ADAM29: variants seen among roughly 807,000 people sequenced by gnomAD.
The protein encoded by ADAM29 is disintegrin and metalloproteinase domain-containing protein 29.
For missense variants in ADAM29, 969 were observed against 1,001.8 expected (o/e 0.97, Z 0.44); for synonymous variants, 367 against 342.3 (o/e 1.07, Z -0.80).
intron 4 of ADAM29, among the ~76,000 whole-genome samples, chr4:174,963,322 A>AT (rs1173793077): frequency 6.6e-6 from 1 of 152,146 alleles, no homozygotes; most frequent in Non-Finnish European, 1.5e-5. Flanking sequence ...ACACGGTGTA[A>AT]TTTTTATGAT....
rs573923692 is a variant in ADAM29, at chr4:174,937,496, C to T, written c.-181+483C>T. On this transcript the variant is annotated intron_variant, in intron 4 of 4. Coordinates refer to ENST00000359240, the MANE Select transcript of ADAM29 (RefSeq NM_014269.4). ...TTGTGAAAAATAACCTTTTATAAAC[C>T]TAAACATCTGTAGTCAGACCAGGCC... Among the ~76,000 whole-genome samples, 9 of 151,934 alleles carry T rather than the reference C, an allele frequency of 5.9e-5. No individual in the cohort carries two copies. The East Asian group carries it at 1.7e-3, about 29-fold the overall frequency.
At position 174,977,585 on chromosome 4, in the gene ADAM29, T is replaced by C. The variant is rs1746927518; in HGVS notation, c.2060T>C (p.Leu687Ser). Reference protein sequence around the residue: ...CYLCILLLIVLFILLCCLYRL... With the variant: ...CYLCILLLIVSFILLCCLYRL... ...CTGTGTATATTGTTGCTTATTGTTTTGTTTATTTTATTATGTTGTCTTTAT... is the reference window on the plus strand; with the variant it reads ...CTGTGTATATTGTTGCTTATTGTTTCGTTTATTTTATTATGTTGTCTTTAT... The change falls in exon 5 of 5, where the codon TTG (leucine) becomes TCG (serine). Residue 687 changes from leucine to serine, a missense_variant. Physicochemically the swap from Leu to Ser is moderately radical, Grantham distance 145. Coordinates refer to ENST00000359240, the MANE Select transcript of ADAM29 (RefSeq NM_014269.4). 1.2e-6 allele frequency: 2 copies of C among 1,613,638 alleles called. No homozygotes were observed. The highest frequency in any genetic ancestry group is 1.7e-6 in the Non-Finnish European group (2 of 1,179,834).
Position 174,977,680 on chromosome 4 carries a change from G to GA in ADAM29, c.2161dup (p.Ile721AsnfsTer7), listed in dbSNP as rs1746938994. 2 of 1,614,110 alleles carry GA rather than the reference G, an allele frequency of 1.2e-6. No homozygotes were observed. Among genetic ancestry groups the GA allele is most frequent in the South Asian group, 1.1e-5 (1 of 91,084 alleles). ...TCAAACTCCATCTGCAAAAGAAGAG[G>GA]AAAAAATTCAGCGTCGACCTCATGA... On this transcript the variant is annotated frameshift_variant, in exon 5 of 5. Coordinates refer to ENST00000359240, the MANE Select transcript of ADAM29 (RefSeq NM_014269.4). LOFTEE classifies it low-confidence loss of function (END_TRUNC).
At chr4:174,927,303 A>C (rs900186727) in intron 2 of ADAM29, among the ~76,000 whole-genome samples, 1 of 152,158 alleles carries the variant, frequency 6.6e-6, no homozygotes, top group Admixed American at 6.5e-5. Context: ...AGTAGCTTAC[A>C]CCTGTTGGTG....
At chr4:174,967,096 C>T (rs1375556122) in intron 4 of ADAM29, among the ~76,000 whole-genome samples, 1 of 152,166 alleles carries the variant, frequency 6.6e-6, no homozygotes. Context: ...AGCTTCACCT[C>T]TTTCTAAGAT....
intron 4 of ADAM29, among the ~76,000 whole-genome samples, chr4:174,973,527 C>T (rs1746584912): frequency 6.6e-6 from 1 of 152,262 alleles, no homozygotes. Context: ...TGCAGAACTT[C>T]CCACTCTGCC....
chr4:174,956,023 T>C (rs960979676), intron 4 of ADAM29, among the ~76,000 whole-genome samples: 4 of 152,076 alleles, frequency 2.6e-5, no homozygotes, highest in Non-Finnish European at 5.9e-5. Flanking sequence ...ACAGACTATA[T>C]GTTTTAGACG....
At chr4:174,955,994 C>A (rs2111038073) in intron 4 of ADAM29, among the ~76,000 whole-genome samples, 1 of 152,110 alleles carries the variant, frequency 6.6e-6, no homozygotes, top group African/African-American at 2.4e-5. Flanking sequence ...ACATTATGTT[C>A]TTTCCTATTG....
At chr4:174,940,494 C>T (rs1243633316) in intron 4 of ADAM29, among the ~76,000 whole-genome samples, 1 of 151,974 alleles carries the variant, frequency 6.6e-6, no homozygotes, top group African/African-American at 2.4e-5. Context: ...CAGCCTTTAT[C>T]TGCTTTTTTA....
At chr4:174,961,250 A>G (rs1265858424) in intron 4 of ADAM29, among the ~76,000 whole-genome samples, 1 of 151,766 alleles carries the variant, frequency 6.6e-6, no homozygotes, top group Non-Finnish European at 1.5e-5. Context: ...ATACAGTAAT[A>G]CATTTTACTC....
At chr4:174,959,525 T>A (rs568195626) in intron 4 of ADAM29, among the ~76,000 whole-genome samples, 2 of 151,374 alleles carry the variant, frequency 1.3e-5, no homozygotes, top group African/African-American at 4.8e-5. Flanking sequence ...TTTACCCTGC[T>A]TGGTGTTTTC....
At chr4:174,918,707 A>G (rs1322334474) in intron 1 of ADAM29, among the ~76,000 whole-genome samples, 2 of 152,132 alleles carry the variant, frequency 1.3e-5, no homozygotes, top group Non-Finnish European at 2.9e-5. Context: ...GAAATGAATC[A>G]TGAAACTTTG....
At position 174,978,021 on chromosome 4, in the gene ADAM29, A is replaced by T. The variant is rs1256466162; in HGVS notation, c.*33A>T. On this transcript the variant is annotated 3_prime_UTR_variant, in exon 5 of 5. Coordinates refer to ENST00000359240, the MANE Select transcript of ADAM29 (RefSeq NM_014269.4). ...CTCAGTTGATGCCTTCCCAGAGTCA[A>T]CCTCCTGTGACGCCCTCCCAGAGCC... 6.3e-7 allele frequency: 1 copy of T among 1,599,452 alleles called. No homozygotes were observed. The highest frequency in any genetic ancestry group is 8.5e-7 in the Non-Finnish European group (1 of 1,170,714).
intron 4 of ADAM29, among the ~76,000 whole-genome samples, chr4:174,945,746 G>A (rs1744809441): frequency 6.6e-6 from 1 of 152,056 alleles, no homozygotes; most frequent in East Asian, 1.9e-4. Context: ...TATTGAATAG[G>A]GAGTCATTTA....
rs537681470 is a variant in ADAM29, at chr4:174,934,720, A to G, written c.-261-2213A>G. ...TGGGGTTTCCCATCTTCCGCAGGAG[A>G]TGCTGATGCACGGATGGAATTGAAA... On this transcript the variant is annotated intron_variant, in intron 3 of 4. Coordinates refer to ENST00000359240, the MANE Select transcript of ADAM29 (RefSeq NM_014269.4). Among the ~76,000 whole-genome samples the G allele has an allele frequency of 9.2e-5, 14 of 152,240 alleles. No homozygotes were observed. The East Asian group carries it at 1.4e-3, about 15-fold the overall frequency.
At chr4:174,963,211 C>CT (rs1745951687) in intron 4 of ADAM29, among the ~76,000 whole-genome samples, 1 of 152,070 alleles carries the variant, frequency 6.6e-6, no homozygotes, top group Non-Finnish European at 1.5e-5. Flanking sequence ...AAATGGATGG[C>CT]TAACAGGGTG....
intron 4 of ADAM29, among the ~76,000 whole-genome samples, chr4:174,953,604 G>A (rs771658523): frequency 2.2e-4 from 33 of 152,044 alleles, no homozygotes; most frequent in Non-Finnish European, 3.5e-4. Flanking sequence ...CTACATTATT[G>A]TTTTGGAAGA....
intron 4 of ADAM29, among the ~76,000 whole-genome samples, chr4:174,958,689 G>A (rs988828369): frequency 1.3e-5 from 2 of 151,466 alleles, no homozygotes; most frequent in African/African-American, 4.8e-5. Context: ...CTTTCATTAC[G>A]TTTGTTCTTT....
chr4:174,974,905 T>C (rs1746670396), intron 4 of ADAM29, among the ~76,000 whole-genome samples: 1 of 152,226 alleles, frequency 6.6e-6, no homozygotes, highest in Non-Finnish European at 1.5e-5. Context: ...TCTTAGATAA[T>C]GTTTTCAACT....
Sources: allele counts gnomAD v4.1 joint callset (sites outside exome capture counted in the v4.1 genomes callset), GRCh38; gene constraint gnomAD v4.1.1; transcripts MANE v1.5; gene names NCBI Gene and HGNC (gene_info 2026-07-23, HGNC 2026-07-21).